GPHN: variants seen among roughly 807,000 people sequenced by gnomAD.
GPHN encodes the protein gephyrin.
GPHN carries 17 observed loss-of-function variants against 95.5 expected under a neutral mutation model. The ratio of observed to expected loss-of-function variants is 0.18; its 90% CI spans 0.12 to 0.27. The LOEUF (loss-of-function observed/expected upper bound fraction) is 0.27. Among genes scored for constraint, GPHN ranks in the 10% least tolerant of loss-of-function variants. The pLI, the probability that GPHN is intolerant of heterozygous loss-of-function variation, is 1.00. For synonymous variants in GPHN, 320 were observed against 322.5 expected (o/e 0.99, Z 0.08); for missense variants, 660 against 978.1 (o/e 0.67, Z 4.34).
chr14:67,323,232 C>CATGTGTGTGTGTGTGTGTGT, the GPHN span, among the ~76,000 whole-genome samples: 6 of 143,620 alleles, frequency 4.2e-5, no homozygotes, highest in African/African-American at 1.6e-4. Context: ...CATATATACA[C>CATGTGTGTGTGTGTGTGTGT]GTGTGTGTGT....
At chr14:67,578,332 A>G in the GPHN span, 14 of 821,226 alleles carry the variant, frequency 1.7e-5, no homozygotes, top group East Asian at 2.6e-5. The surrounding 1 kb of genome is among the most constrained non-coding windows in gnomAD (Gnocchi z 5.0). Context: ...TCCAAGCTGC[A>G]TCAGTACGGC....
the GPHN span, chr14:67,320,963 G>GTT: frequency 1.0e-4 from 100 of 986,602 alleles, no homozygotes; most frequent in East Asian, 2.4e-3. Flanking sequence ...TATAATCTGT[G>GTT]TTACAAAATA....
chr14:66,771,821 C>T (rs1027349529), intron 2 of GPHN, among the ~76,000 whole-genome samples: 8 of 146,912 alleles, frequency 5.4e-5, no homozygotes, highest in East Asian at 2.0e-4. Flanking sequence ...TGAGAATATG[C>T]GGTGTTTGGT....
intron 18 of GPHN, among the ~76,000 whole-genome samples, chr14:67,157,380 A>G (rs1190137787): frequency 6.6e-6 from 1 of 152,224 alleles, no homozygotes; most frequent in Non-Finnish European, 1.5e-5. Flanking sequence ...GAATTAATTA[A>G]TTAATAATCA....
At chr14:67,302,679 A>G in the GPHN span, 1 of 882,144 alleles carries the variant, frequency 1.1e-6, no homozygotes, top group Non-Finnish European at 1.6e-6. Context: ...GATGATTTCT[A>G]GCCTGATTTT....
At chr14:67,041,798 C>A (rs959268433) in intron 10 of GPHN, among the ~76,000 whole-genome samples, 2 of 152,210 alleles carry the variant, frequency 1.3e-5, no homozygotes, top group Non-Finnish European at 2.9e-5. Context: ...GCCACACTGT[C>A]TTCCACAATG....
At chr14:67,677,194 A>C in the GPHN span, 2 of 152,046 alleles carry the variant, frequency 1.3e-5, no homozygotes, top group Non-Finnish European at 2.9e-5. Context: ...ACTTTTGATA[A>C]GAAGTCTCCA....
chr14:67,020,091 T>C (rs17183406), intron 9 of GPHN, among the ~76,000 whole-genome samples: 2,924 of 152,286 alleles, frequency 0.019, 37 homozygotes, highest in Middle Eastern at 0.034. Flanking sequence ...CAAATTATGG[T>C]CACAGATTAA....
At chr14:67,069,025 G>T (rs2076177558) in intron 11 of GPHN, among the ~76,000 whole-genome samples, 1 of 152,028 alleles carries the variant, frequency 6.6e-6, no homozygotes. Context: ...AAGGAAATAA[G>T]GTATACTTAG....
At chr14:67,201,782 C>T in the GPHN span, 2 of 266,844 alleles carry the variant, frequency 7.5e-6, no homozygotes, top group African/African-American at 2.3e-5. Flanking sequence ...CAACCTCTTT[C>T]TTTCAATGAT....
At chr14:67,428,201 G>C in the GPHN span, among the ~76,000 whole-genome samples, 1 of 152,096 alleles carries the variant, frequency 6.6e-6, no homozygotes, top group Non-Finnish European at 1.5e-5. Flanking sequence ...TTACAGGCAT[G>C]AGCCACCGTG....
the GPHN span, among the ~76,000 whole-genome samples, chr14:67,326,940 C>A: frequency 6.6e-6 from 1 of 152,092 alleles, no homozygotes; most frequent in Non-Finnish European, 1.5e-5. Flanking sequence ...TTTGGGAGGC[C>A]GAGGCGGGCA....
intron 1 of GPHN, among the ~76,000 whole-genome samples, chr14:66,539,364 A>C (rs1010509613): frequency 6.9e-6 from 1 of 145,114 alleles, no homozygotes; most frequent in Non-Finnish European, 1.5e-5. Context: ...GGGGCTTTCT[A>C]GTTTTCAGAC....
At chr14:67,112,934 C>G (rs1482624148) in intron 15 of GPHN, 84 bp from the exon 16 acceptor site, 1 of 1,276,234 alleles carries the variant, frequency 7.8e-7, no homozygotes, top group Non-Finnish European at 1.1e-6. Context: ...CTTGAATGTC[C>G]TTTTTTGACA....
At chr14:67,383,277 T>G in the GPHN span, 10 of 1,605,842 alleles carry the variant, frequency 6.2e-6, no homozygotes, top group South Asian at 3.3e-5. Context: ...GTATAGTATT[T>G]ACTACTTCAG....
the GPHN span, among the ~76,000 whole-genome samples, chr14:67,318,274 A>G: frequency 6.6e-6 from 1 of 152,242 alleles, no homozygotes; most frequent in Admixed American, 6.5e-5. Flanking sequence ...ATTATAGATC[A>G]TTATAATATT....
At chr14:67,145,949 G>T (rs1314607466) in intron 18 of GPHN, among the ~76,000 whole-genome samples, 1 of 152,198 alleles carries the variant, frequency 6.6e-6, no homozygotes. Context: ...CAAGAATTAT[G>T]ACAAGGAACC....
At chr14:67,633,115 C>A in the GPHN span, among the ~76,000 whole-genome samples, 1 of 152,128 alleles carries the variant, frequency 6.6e-6, no homozygotes, top group African/African-American at 2.4e-5. Context: ...CCACTGCGCC[C>A]GGCCAAGCCT....
At chr14:67,109,430 ATGT>A (rs952280152) in intron 13 of GPHN, among the ~76,000 whole-genome samples, 5 of 152,210 alleles carry the variant, frequency 3.3e-5, no homozygotes, top group African/African-American at 9.6e-5. Flanking sequence ...GCTTTTCCTC[ATGT>A]TGTAAGAAGT....
Sources: gnomAD v4.1 joint callset for allele counts (sites outside exome capture counted in the v4.1 genomes callset) on GRCh38, gnomAD v4.1.1 for gene constraint, Gnocchi (gnomAD v3.1) non-coding constraint, MANE v1.5 for transcripts, NCBI Gene and HGNC (gene_info 2026-07-23, HGNC 2026-07-21) for gene names.